Variants in CCT8 observed in about 807,000 individuals in gnomAD.
CCT8 encodes the protein T-complex protein 1 subunit theta.
Under a neutral mutation model 65.7 loss-of-function variants are expected in CCT8, and 10 were observed. The ratio of observed to expected loss-of-function variants is 0.15; its 90% CI spans 0.09 to 0.26. The LOEUF (loss-of-function observed/expected upper bound fraction) is 0.26, where lower values mean the gene tolerates loss of function less well. CCT8 is among the 10% of genes least tolerant of loss of function. CCT8 has a pLI of 1.00. For missense variants in CCT8, 568 were observed against 669.1 expected, an observed-to-expected ratio of 0.85 and a Z score of 1.67; for synonymous variants, 199 against 221.8, an observed-to-expected ratio of 0.90 and a Z score of 0.92.
chr21:29,070,280 C>T lies in CCT8; in HGVS notation c.118G>A (p.Ala40Thr), dbSNP rs777221484. The change falls in exon 2 of 15, where the codon GCC becomes ACC. Residue 40 changes from alanine to threonine, a missense_variant. Coordinates refer to ENST00000286788, the MANE Select transcript of CCT8 (RefSeq NM_006585.4). ...YRNIQACKEL[A>T]QTTRTAYGPN... ...CCATATGCTGTACGAGTGGTTTGGG[C>T]AAGCTCCTTGCAAGCTTGTATGTTT... 3 of 1,611,996 alleles carry T rather than the reference C, an allele frequency of 1.9e-6. No homozygotes were observed. Among genetic ancestry groups the T allele is most frequent in the East Asian group, 4.5e-5 (2 of 44,816 alleles).
chr21:29,065,948 T>C (rs1418860416), intron 6 of CCT8, among the ~76,000 whole-genome samples: 2 of 151,834 alleles, frequency 1.3e-5, no homozygotes, highest in African/African-American at 4.8e-5. Flanking sequence ...CTGGACATGG[T>C]GGCATGCACC....
intron 1 of CCT8, among the ~76,000 whole-genome samples, chr21:29,072,887 C>T (rs1291328524): frequency 6.6e-6 from 1 of 152,226 alleles, no homozygotes; most frequent in African/African-American, 2.4e-5. Context: ...CTCAAAGACA[C>T]CACCTCTTGG....
chr21:29,073,278 C>A (rs2085703656), intron 1 of CCT8: 1 of 1,330,076 alleles, frequency 7.5e-7, no homozygotes, highest in African/African-American at 1.5e-5. Flanking sequence ...TCACATCCGT[C>A]CACCTTCAAG....
At chr21:29,068,120 T>G (rs1372314781) in intron 3 of CCT8, among the ~76,000 whole-genome samples, 1 of 152,230 alleles carries the variant, frequency 6.6e-6, no homozygotes. Flanking sequence ...TATATATTCT[T>G]GTTGTAAGGG....
intron 11 of CCT8, 132 bp from the exon 12 acceptor site, chr21:29,061,699 A>G: frequency 1.1e-6 from 1 of 892,416 alleles, no homozygotes; most frequent in South Asian, 1.6e-5. Flanking sequence ...ATTGTTACTC[A>G]AATACATATT....
rs1012059410 is a variant in CCT8, at chr21:29,064,969, T to G, written c.761A>C (p.Lys254Thr). 1 of 1,613,590 alleles carries G rather than the reference T, an allele frequency of 6.2e-7. No homozygotes were observed. Among genetic ancestry groups the G allele is most frequent in the Non-Finnish European group, 8.5e-7 (1 of 1,179,744 alleles). ...TTTTAAGGTTTGAAGTCTACATACCTTAGTTTCTGTTATCATGCCATCAAA... is the reference window on the plus strand; with the variant it reads ...TTTTAAGGTTTGAAGTCTACATACCGTAGTTTCTGTTATCATGCCATCAAA... The part of the protein sequence containing the change: ...CPFDGMITET[K>T]GTVLIKTAEE... The change falls in exon 7 of 15, where the codon AAG becomes ACG. Residue 254 changes from lysine (K) to threonine (T), a missense_variant and splice_region_variant. Coordinates refer to ENST00000286788, the MANE Select transcript of CCT8 (RefSeq NM_006585.4).
intron 1 of CCT8, among the ~76,000 whole-genome samples, chr21:29,071,598 G>C (rs941807167): frequency 1.3e-5 from 2 of 152,048 alleles, no homozygotes; most frequent in Admixed American, 6.5e-5. Context: ...GTTTCACCAT[G>C]TTGGCCAGGA....
chr21:29,067,168 CAAAG>C (rs2085633332), intron 4 of CCT8, 97 bp from the exon 5 acceptor site: 7 of 840,372 alleles, frequency 8.3e-6, no homozygotes, highest in Non-Finnish European at 1.3e-5. Flanking sequence ...TACAAAATGA[CAAAG>C]AATATACTTC....
chr21:29,071,246 T>C (rs117084838), intron 1 of CCT8, among the ~76,000 whole-genome samples: 7 of 152,312 alleles, frequency 4.6e-5, no homozygotes, highest in Non-Finnish European at 8.8e-5. Context: ...AAATGCCCAG[T>C]AGCTACATGT....
rs74566899 is a variant in CCT8 at position 29,072,754 on chromosome 21, T to C, written c.60+777A>G. ...CAATTTGAATAGCACAAGAGACAAA[T>C]TTATCAATAGTGCAGTAAGATATTT... On this transcript the variant is annotated intron_variant, in intron 1 of 14. Transcript: ENST00000286788. Among the ~76,000 whole-genome samples the C allele has an allele frequency of 5.7e-3, 861 of 152,320 alleles. 16 individuals carry two copies. Among genetic ancestry groups the C allele is most frequent in the African/African-American group, 0.02 (839 of 41,552 alleles).
chr21:29,065,802 G>A (rs1017957967), intron 6 of CCT8, among the ~76,000 whole-genome samples: 2 of 152,126 alleles, frequency 1.3e-5, no homozygotes, highest in African/African-American at 2.4e-5. Context: ...AGTATTTTGC[G>A]CTGGGCGCGG....
intron 14 of CCT8, among the ~76,000 whole-genome samples, chr21:29,060,256 G>T (rs1044492223): frequency 2.0e-5 from 3 of 152,064 alleles, no homozygotes; most frequent in African/African-American, 7.2e-5. Flanking sequence ...ATGTCTGCTT[G>T]AGAGCTTTAT....
At chr21:29,066,682 C>A in intron 6 of CCT8, 34 bp downstream of exon 6, 1 of 1,405,224 alleles carries the variant, frequency 7.1e-7, no homozygotes. Context: ...AAAAACTGAC[C>A]TAGATATGTA....
At position 29,067,454 on chromosome 21, in the gene CCT8, T is replaced by C; in HGVS notation, c.381+102A>G. The C allele has an allele frequency of 1.1e-5, 10 of 881,480 alleles. 1 individual carries two copies. The South Asian group carries it at 2.8e-4, about 25-fold the overall frequency. 54.6% of individuals were successfully genotyped at this position (881,480 alleles called of 1,614,324 possible). Reference sequence around the variant, plus strand: ...GGCTGGTACAGAGCAAACTGCTCAGTGCATGTTAGCTACTACTATAATAAT... The same window carrying C: ...GGCTGGTACAGAGCAAACTGCTCAGCGCATGTTAGCTACTACTATAATAAT... On this transcript the variant is annotated intron_variant, in intron 4 of 14. Coordinates refer to ENST00000286788, the MANE Select transcript of CCT8 (RefSeq NM_006585.4).
chr21:29,068,068 G>C (rs2085643211), intron 3 of CCT8, among the ~76,000 whole-genome samples: 1 of 152,112 alleles, frequency 6.6e-6, no homozygotes, highest in Admixed American at 6.5e-5. Flanking sequence ...AACTAAAATA[G>C]ATACCACTTA....
At chr21:29,071,882 G>A in intron 1 of CCT8, 1 of 695,776 alleles carries the variant, frequency 1.4e-6, no homozygotes, top group Non-Finnish European at 2.6e-6. Flanking sequence ...AGGATAAAAT[G>A]CAAATCCCTT....
At chr21:29,068,602 G>A (rs540655890) in intron 3 of CCT8, among the ~76,000 whole-genome samples, 1 of 152,130 alleles carries the variant, frequency 6.6e-6, no homozygotes, top group Non-Finnish European at 1.5e-5. Flanking sequence ...TGGAACTACA[G>A]GTGTGTGCCA....
intron 6 of CCT8, among the ~76,000 whole-genome samples, chr21:29,066,171 AAT>A (rs1372647316): frequency 6.6e-6 from 1 of 152,164 alleles, no homozygotes; most frequent in African/African-American, 2.4e-5. Flanking sequence ...ATAAGGAGAT[AAT>A]ATGTCAATAT....
chr21:29,068,461 AT>A (rs954742316), intron 3 of CCT8, among the ~76,000 whole-genome samples: 44 of 151,010 alleles, frequency 2.9e-4, no homozygotes, highest in African/African-American at 1.0e-3. Flanking sequence ...TATAATATGT[AT>A]TTTTTTTTCT....
Sources: allele counts gnomAD v4.1 joint callset (sites outside exome capture counted in the v4.1 genomes callset), GRCh38; gene constraint gnomAD v4.1.1; transcripts MANE v1.5; gene names NCBI Gene and HGNC (gene_info 2026-07-23, HGNC 2026-07-21).